The following MTRES1 variants were observed in gnomAD, a reference collection of about 807,000 sequenced individuals.
The protein encoded by MTRES1 is mitochondrial transcription rescue factor 1, also known as uncharacterized protein C6orf203.
A neutral mutation model predicts 17.4 loss-of-function variants in MTRES1; 11 were observed. That is an observed-to-expected ratio of 0.63 (90% CI 0.40 to 1.05). MTRES1 has a LOEUF of 1.05. MTRES1 is among the 50% of genes least tolerant of loss of function. The probability of loss-of-function intolerance (pLI) is 0.00; values close to 1 mark genes in which losing one functional copy is unlikely to be tolerated. For missense variants in MTRES1, 268 were observed against 276.2 expected (o/e 0.97, Z 0.21); for synonymous variants, 94 against 99.6 (o/e 0.94, Z 0.34).
intron 1 of MTRES1, among the ~76,000 whole-genome samples, chr6:107,033,889 T>C (rs1298873368): frequency 1.6e-4 from 25 of 152,180 alleles, no homozygotes; most frequent in African/African-American, 5.1e-4. Context: ...GAGTGCCCAC[T>C]GCTAACAACT....
chr6:107,029,404 G>T (rs1277820603), intron 1 of MTRES1, among the ~76,000 whole-genome samples: 1 of 151,842 alleles, frequency 6.6e-6, no homozygotes, highest in Non-Finnish European at 1.5e-5. Flanking sequence ...AGCCAGGATG[G>T]TCTCGATTTC....
chr6:107,043,159 G>A (rs311252), intron 2 of MTRES1, among the ~76,000 whole-genome samples: 44,920 of 151,222 alleles, frequency 0.3, 6,875 homozygotes, highest in East Asian at 0.38. Flanking sequence ...GTGAAACCCC[G>A]TCTCTACTAA....
In MTRES1 at chr6:107,047,620, C is replaced by T. The variant is rs917938094; in HGVS notation, c.543+3288C>T. Among the ~76,000 whole-genome samples the T allele has an allele frequency of 2.0e-5, 3 of 152,128 alleles. No homozygotes were observed. In the East Asian group the frequency reaches 5.8e-4, roughly 29 times the overall value. On this transcript the variant is annotated intron_variant, in intron 3 of 3. Coordinates refer to ENST00000311381, the MANE Select transcript of MTRES1 (RefSeq NM_016487.5). Reference sequence around the variant, plus strand: ...GAATTGTAGGCCGGGCACAGTGGCTCACACCTGTAATCCCAGCACTTTGGG... The same window carrying T: ...GAATTGTAGGCCGGGCACAGTGGCTTACACCTGTAATCCCAGCACTTTGGG...
chr6:107,035,178 G>C (rs182168251), intron 1 of MTRES1, among the ~76,000 whole-genome samples: 1 of 151,752 alleles, frequency 6.6e-6, no homozygotes, highest in Non-Finnish European at 1.5e-5. Context: ...TTGTTGCCCA[G>C]GCTGGAGTGC....
At chr6:107,037,604 TTCTC>T in intron 1 of MTRES1, among the ~76,000 whole-genome samples, 1 of 152,384 alleles carries the variant, frequency 6.6e-6, no homozygotes, top group South Asian at 2.1e-4. Context: ...GTATTATTCA[TTCTC>T]TATTACGCTA....
intron 1 of MTRES1, among the ~76,000 whole-genome samples, chr6:107,033,430 A>G (rs958227801): frequency 2.0e-5 from 3 of 150,832 alleles, no homozygotes; most frequent in Non-Finnish European, 4.4e-5. Flanking sequence ...AGTATTCTCC[A>G]GTGCTGCTTT....
chr6:107,040,634 G>A, intron 2 of MTRES1: 1 of 164,134 alleles, frequency 6.1e-6, no homozygotes, highest in South Asian at 1.6e-4. Flanking sequence ...ACTTTGAGAG[G>A]CTGAGCTGGG....
chr6:107,028,457 T>G (rs1773712124), intron 1 of MTRES1, 186 bp downstream of exon 1: 1 of 152,298 alleles, frequency 6.6e-6, no homozygotes, highest in Admixed American at 6.5e-5. Flanking sequence ...GGCGAAGCCT[T>G]CCGTTCCTGC....
At chr6:107,030,772 A>G (rs933497703) in intron 1 of MTRES1, among the ~76,000 whole-genome samples, 5 of 152,180 alleles carry the variant, frequency 3.3e-5, no homozygotes, top group Non-Finnish European at 5.9e-5. Context: ...AACCCTCGTG[A>G]AGTTCAAGTT....
At chr6:107,038,439 A>G (rs1554227149) in intron 1 of MTRES1, among the ~76,000 whole-genome samples, 1 of 152,136 alleles carries the variant, frequency 6.6e-6, no homozygotes, top group Non-Finnish European at 1.5e-5. Context: ...ATTTGAAGTA[A>G]CTGTAGGAGT....
chr6:107,046,678 G>A (rs910238186), intron 3 of MTRES1, among the ~76,000 whole-genome samples: 6 of 152,142 alleles, frequency 3.9e-5, no homozygotes. Flanking sequence ...GACCCCGAAG[G>A]GTCAGGTGCT....
At chr6:107,031,385 C>CAAAA (rs782379041) in intron 1 of MTRES1, among the ~76,000 whole-genome samples, 1 of 97,626 alleles carries the variant, frequency 1.0e-5, no homozygotes, top group Non-Finnish European at 1.8e-5. Flanking sequence ...GACCCTGTCT[C>CAAAA]AAAAAAAAAA....
At chr6:107,042,335 G>A (rs1356725199) in intron 2 of MTRES1, among the ~76,000 whole-genome samples, 4 of 32,802 alleles carry the variant, frequency 1.2e-4, no homozygotes, top group Non-Finnish European at 1.6e-4. Flanking sequence ...GTGGGACTCC[G>A]TCTCAAAAAA....
At chr6:107,050,859 G>A (rs1019493268) in intron 3 of MTRES1, among the ~76,000 whole-genome samples, 198 bp from the exon 4 acceptor site, 2 of 152,160 alleles carry the variant, frequency 1.3e-5, no homozygotes, top group Admixed American at 1.3e-4. Context: ...TTACAGGCGT[G>A]AGCCACCGCA....
intron 2 of MTRES1, among the ~76,000 whole-genome samples, chr6:107,043,381 C>T (rs1774285301): frequency 6.6e-6 from 1 of 151,510 alleles, no homozygotes; most frequent in African/African-American, 2.4e-5. Flanking sequence ...AACTTGTATA[C>T]AGTTGATGCT....
chr6:107,041,092 GGCA>G (rs1449080709), intron 2 of MTRES1, among the ~76,000 whole-genome samples: 1 of 151,230 alleles, frequency 6.6e-6, no homozygotes, highest in Non-Finnish European at 1.5e-5. Context: ...CAGGCGTGGT[GGCA>G]GGCGCCTGTA....
At chr6:107,047,099 G>A (rs560306932) in intron 3 of MTRES1, among the ~76,000 whole-genome samples, 53 of 152,136 alleles carry the variant, frequency 3.5e-4, no homozygotes, top group Middle Eastern at 3.4e-3. Context: ...ACCACACCCC[G>A]CCAAAGGGAT....
intron 1 of MTRES1, among the ~76,000 whole-genome samples, chr6:107,033,032 ACCCAGGAACT>A (rs1382573555): frequency 6.6e-6 from 1 of 152,176 alleles, no homozygotes; most frequent in Non-Finnish European, 1.5e-5. Flanking sequence ...ACCAAGGCCT[ACCCAGGAACT>A]TGGCATATGT....
At chr6:107,039,640 G>C in intron 1 of MTRES1, 109 bp from the exon 2 acceptor site, 1 of 1,207,870 alleles carries the variant, frequency 8.3e-7, no homozygotes, top group Non-Finnish European at 1.1e-6. Context: ...TTTTAGGGGC[G>C]AATACGTATA....
Sources: gnomAD v4.1 joint callset for allele counts (sites outside exome capture counted in the v4.1 genomes callset) on GRCh38, gnomAD v4.1.1 for gene constraint, MANE v1.5 for transcripts, NCBI Gene and HGNC (gene_info 2026-07-23, HGNC 2026-07-21) for gene names.